TMEM131: variants seen among roughly 807,000 people sequenced by gnomAD.
The protein encoded by TMEM131 is 2610524E03Rik.
A neutral mutation model predicts 211.6 loss-of-function variants in TMEM131; 66 were observed. That is an observed-to-expected ratio of 0.31 (90% CI 0.26 to 0.38). The LOEUF (loss-of-function observed/expected upper bound fraction) is 0.38, where lower values mean the gene tolerates loss of function less well. Ranked by LOEUF, TMEM131 falls within the 10% of genes least tolerant of loss-of-function variation. The pLI is 1.00. For synonymous variants in TMEM131, 844 were observed against 841.3 expected (o/e 1.00, Z -0.06); for missense variants, 2,036 against 2,299.3 (o/e 0.89, Z 2.34).
intron 11 of TMEM131, among the ~76,000 whole-genome samples, chr2:97,819,759 T>C (rs1446302541): frequency 2.6e-5 from 4 of 152,216 alleles, no homozygotes; most frequent in Non-Finnish European, 5.9e-5. Flanking sequence ...GAAAAGAACA[T>C]TGTCCTTTTC....
chr2:97,822,907 G>A (rs1364177014), intron 11 of TMEM131, among the ~76,000 whole-genome samples: 1 of 152,148 alleles, frequency 6.6e-6, no homozygotes. Context: ...TGAAAAAGAT[G>A]TGGCTCATTT....
intron 1 of TMEM131, among the ~76,000 whole-genome samples, chr2:97,940,892 T>C (rs546320118): frequency 5.8e-4 from 88 of 151,370 alleles, no homozygotes; most frequent in African/African-American, 2.0e-3. Context: ...AAAATGGCCA[T>C]ACTGCCCAAA....
intron 40 of TMEM131, among the ~76,000 whole-genome samples, 155 bp from the exon 41 acceptor site, chr2:97,757,538 T>C (rs530926292): frequency 6.6e-6 from 1 of 152,268 alleles, no homozygotes; most frequent in Non-Finnish European, 1.5e-5. Context: ...TTTGAGCAGA[T>C]GTTTCTGATT....
chr2:97,922,317 G>A (rs192445644), intron 2 of TMEM131, among the ~76,000 whole-genome samples: 6 of 152,076 alleles, frequency 3.9e-5, no homozygotes, highest in Non-Finnish European at 7.4e-5. Context: ...GCCACAGACC[G>A]GTACTGGTCC....
At chr2:97,765,908 G>A (rs892922023) in intron 35 of TMEM131, among the ~76,000 whole-genome samples, 10 of 151,856 alleles carry the variant, frequency 6.6e-5, no homozygotes, top group Non-Finnish European at 1.5e-4. Context: ...TGTTGAATGA[G>A]TCCCCTGATG....
At chr2:97,960,005 G>T (rs1233500841) in intron 1 of TMEM131, among the ~76,000 whole-genome samples, 3 of 152,036 alleles carry the variant, frequency 2.0e-5, no homozygotes. Flanking sequence ...AATATTTTTG[G>T]TAAGAATAAT....
At position 97,795,042 on chromosome 2, in the gene TMEM131, C is replaced by T. The variant is rs770112917; in HGVS notation, c.3274G>A (p.Val1092Ile). The T allele has an allele frequency of 6.2e-7, 1 of 1,613,866 alleles. No homozygotes were observed. The highest frequency in any genetic ancestry group is 8.5e-7 in the Non-Finnish European group (1 of 1,179,784). Residue 1092 changes from valine (V) to isoleucine (I), a missense_variant, in exon 29 of 41, where the codon GTA (valine) becomes ATA (isoleucine). This residue lies in a region of TMEM131 where 1,623 missense variants were observed against 1,805.9 expected (regional missense o/e 0.90). Coordinates refer to ENST00000186436, the MANE Select transcript of TMEM131 (RefSeq NM_015348.2). ...GGAAGGGATGCATTCAATATAAATA[C>T]AAACTCAGAGCCACTGGTTGTTATA... Reference protein sequence around the residue: ...KFITTSGSEFVFILNASLPYH... With the variant: ...KFITTSGSEFIFILNASLPYH...
chr2:97,759,602 T>C (rs779669951), intron 39 of TMEM131, 50 bp downstream of exon 39: 9 of 1,469,500 alleles, frequency 6.1e-6, no homozygotes, highest in South Asian at 5.9e-5. Context: ...CTCCTCTCCC[T>C]TCCTCTGTCC....
intron 1 of TMEM131, among the ~76,000 whole-genome samples, chr2:97,991,547 C>G (rs1680266127): frequency 6.6e-6 from 1 of 152,154 alleles, no homozygotes; most frequent in South Asian, 2.1e-4. Flanking sequence ...TGGACACATG[C>G]AGTGTGCACC....
intron 1 of TMEM131, among the ~76,000 whole-genome samples, chr2:97,953,739 G>A (rs1678432872): frequency 6.6e-6 from 1 of 152,046 alleles, no homozygotes; most frequent in Non-Finnish European, 1.5e-5. Flanking sequence ...CATGCACCAG[G>A]ACAGACCATA....
In TMEM131 at chr2:97,766,462, A is replaced by T. The variant is rs766307837; in HGVS notation, c.4573+16T>A. 6.8e-6 allele frequency: 11 copies of T among 1,613,856 alleles called. No homozygotes were observed. The South Asian group carries it at 1.2e-4, about 18-fold the overall frequency. ...AGATCCGTAAGACATGATCATAGAGAACAAGATGACAATACCTTTTGTTTT... is the reference window on the plus strand; with the variant it reads ...AGATCCGTAAGACATGATCATAGAGTACAAGATGACAATACCTTTTGTTTT... On this transcript the variant is annotated intron_variant, in intron 34 of 40. Transcript: ENST00000186436.
chr2:97,942,626 A>G (rs1379275253), intron 1 of TMEM131, among the ~76,000 whole-genome samples: 1 of 151,994 alleles, frequency 6.6e-6, no homozygotes, highest in African/African-American at 2.4e-5. Context: ...GACAGCCTAC[A>G]TGAAATGAAC....
At position 97,809,069 on chromosome 2, in the gene TMEM131, T is replaced by C. The variant is rs1049211196; in HGVS notation, c.2055+619A>G. On this transcript the variant is annotated intron_variant, in intron 19 of 40. Coordinates refer to ENST00000186436, the MANE Select transcript of TMEM131 (RefSeq NM_015348.2). Reference sequence around the variant, plus strand: ...GGCACTCTATTGTTACTTTCATCTGTGTCCTCTATTTCTTTCTGCAGAGAG... The same window carrying C: ...GGCACTCTATTGTTACTTTCATCTGCGTCCTCTATTTCTTTCTGCAGAGAG... Among the ~76,000 whole-genome samples, 3 of 152,160 alleles carry C rather than the reference T, an allele frequency of 2.0e-5. No individual in the cohort carries two copies. In the East Asian group the frequency reaches 5.8e-4, roughly 29 times the overall value.
chr2:97,940,153 GT>G (rs1214685026), intron 1 of TMEM131, among the ~76,000 whole-genome samples: 5 of 152,118 alleles, frequency 3.3e-5, no homozygotes, highest in Admixed American at 3.3e-4. Context: ...ATTCTACATA[GT>G]GTTGGAAGTT....
intron 11 of TMEM131, among the ~76,000 whole-genome samples, chr2:97,826,471 C>T (rs904190520): frequency 2.0e-5 from 3 of 151,982 alleles, no homozygotes; most frequent in Admixed American, 1.3e-4. Context: ...CTCACACCGC[C>T]GAAGCCATCA....
chr2:97,934,019 G>A (rs1389645884), intron 1 of TMEM131, among the ~76,000 whole-genome samples: 1 of 151,830 alleles, frequency 6.6e-6, no homozygotes, highest in Non-Finnish European at 1.5e-5. Flanking sequence ...AGAAGTTCTG[G>A]CCACTTTAAC....
intron 1 of TMEM131, among the ~76,000 whole-genome samples, chr2:97,937,138 A>G (rs1229315555): frequency 6.6e-6 from 1 of 152,164 alleles, no homozygotes; most frequent in African/African-American, 2.4e-5. Context: ...TATTTTAAAT[A>G]TGTTCAAAGG....
At chr2:97,799,669 A>T (rs10188713) in intron 25 of TMEM131, among the ~76,000 whole-genome samples, 5 of 152,050 alleles carry the variant, frequency 3.3e-5, no homozygotes, top group Non-Finnish European at 7.4e-5. Flanking sequence ...TAGATTAGCG[A>T]GGATGATTCA....
intron 12 of TMEM131, 79 bp from the exon 13 acceptor site, chr2:97,815,386 A>T: frequency 1.1e-6 from 1 of 916,568 alleles, no homozygotes; most frequent in Non-Finnish European, 1.6e-6. Context: ...AATTGACAAA[A>T]TCTTAAAAAA....
Sources: gnomAD v4.1 joint callset for allele counts (sites outside exome capture counted in the v4.1 genomes callset) on GRCh38, gnomAD v4.1.1 for gene constraint, gnomAD v4.1.1 regional missense constraint, MANE v1.5 for transcripts, NCBI Gene and HGNC (gene_info 2026-07-23, HGNC 2026-07-21) for gene names.